Variants in UBAC2 observed in about 807,000 individuals in gnomAD.
UBAC2 encodes the protein ubiquitin-associated domain-containing protein 2.
Under a neutral mutation model 44.0 loss-of-function variants are expected in UBAC2, and 26 were observed. That is an observed-to-expected ratio of 0.59 (90% CI 0.43 to 0.82). UBAC2 has a LOEUF of 0.82. UBAC2 is among the 40% of genes least tolerant of loss of function. The pLI, the probability that UBAC2 is intolerant of heterozygous loss-of-function variation, is 0.00. For synonymous variants in UBAC2, 155 were observed against 154.3 expected (o/e 1.00, Z -0.04); for missense variants, 329 against 419.4 (o/e 0.78, Z 1.88).
In UBAC2 at chr13:99,385,211, G is replaced by A. The variant is rs201028910; in HGVS notation, c.928-17G>A. 1,361 of 1,605,968 alleles carry A rather than the reference G, an allele frequency of 8.5e-4. No individual in the cohort carries two copies. Among genetic ancestry groups the A allele is most frequent in the Non-Finnish European group, 9.9e-4 (1,163 of 1,172,596 alleles). On this transcript the variant is annotated splice_polypyrimidine_tract_variant and intron_variant, in intron 8 of 8. Transcript: ENST00000403766. The stretch of plus-strand genomic sequence containing the variant: ...AATGTCAGCGCCCTCAGGTTTCTGC[G>A]TTTTCTCTGCCTGCAGGTCGCCCGG...
chr13:99,253,110 C>T (rs1474546958), intron 4 of UBAC2, among the ~76,000 whole-genome samples: 24 of 149,920 alleles, frequency 1.6e-4, no homozygotes, highest in Non-Finnish European at 3.0e-4. Flanking sequence ...GATATAATAT[C>T]TATAAAGGTA....
chr13:99,232,095 T>C (rs1594024869), intron 1 of UBAC2, among the ~76,000 whole-genome samples: 1 of 152,296 alleles, frequency 6.6e-6, no homozygotes. Flanking sequence ...GTTACTTGTT[T>C]TTTAAAAAAG....
chr13:99,324,764 G>C (rs2044615039), intron 6 of UBAC2, among the ~76,000 whole-genome samples: 1 of 152,158 alleles, frequency 6.6e-6, no homozygotes, highest in Non-Finnish European at 1.5e-5. Context: ...TGGCCCTGTG[G>C]ATTCTAATGG....
intron 4 of UBAC2, among the ~76,000 whole-genome samples, chr13:99,296,802 A>T (rs2044181501): frequency 6.6e-6 from 1 of 152,212 alleles, no homozygotes; most frequent in African/African-American, 2.4e-5. Flanking sequence ...AAAATGACAA[A>T]AAAAGAAGAA....
chr13:99,379,984 A>G (rs1593992688), intron 8 of UBAC2, among the ~76,000 whole-genome samples: 1 of 152,202 alleles, frequency 6.6e-6, no homozygotes, highest in Non-Finnish European at 1.5e-5. Flanking sequence ...GAACCTGCCC[A>G]CTGGCATGTG....
At chr13:99,209,391 C>G in intron 1 of UBAC2, among the ~76,000 whole-genome samples, 1 of 152,216 alleles carries the variant, frequency 6.6e-6, no homozygotes. Context: ...TTGGAAAGTT[C>G]TGCATTCTGC....
intron 8 of UBAC2, 28 bp downstream of exon 8, chr13:99,367,934 A>T (rs1264229778): frequency 6.3e-7 from 1 of 1,599,446 alleles, no homozygotes; most frequent in Admixed American, 1.8e-5. Flanking sequence ...CCTGGTACTC[A>T]TTCTAAATCC....
chr13:99,377,988 C>T (rs754269449), intron 8 of UBAC2, among the ~76,000 whole-genome samples: 2 of 152,220 alleles, frequency 1.3e-5, no homozygotes, highest in Admixed American at 6.5e-5. Flanking sequence ...TTTTATTTCA[C>T]GGAAGCATGA....
intron 7 of UBAC2, among the ~76,000 whole-genome samples, chr13:99,343,770 A>C (rs1188391085): frequency 6.6e-6 from 1 of 152,192 alleles, no homozygotes. Context: ...AGTTTTCTTC[A>C]CATAAGTATG....
chr13:99,216,040 C>T (rs993144103), intron 1 of UBAC2, among the ~76,000 whole-genome samples: 1 of 151,516 alleles, frequency 6.6e-6, no homozygotes, highest in East Asian at 1.9e-4. Flanking sequence ...CGGTTTTTGC[C>T]ATTAAAGGTA....
At chr13:99,294,813 G>C (rs543250577) in intron 4 of UBAC2, 2 of 323,960 alleles carry the variant, frequency 6.2e-6, no homozygotes, top group Non-Finnish European at 1.1e-5. Context: ...TATTAAGAGC[G>C]CCTCCTTTTG....
rs73570149 is a variant in UBAC2, at chr13:99,367,152, C to T, written c.808-635C>T. Among the ~76,000 whole-genome samples the T allele has an allele frequency of 9.8e-3, 1,497 of 152,230 alleles. 28 individuals are homozygous for T. The highest frequency in any genetic ancestry group is 0.035 in the African/African-American group (1,445 of 41,534). ...GGCATTGCTGTCAGTCTTCAGGATC[C>T]GTGGAGCCACCCTCAGAAAGATGGT... On this transcript the variant is annotated intron_variant, in intron 7 of 8. Transcript: ENST00000403766.
intron 4 of UBAC2, among the ~76,000 whole-genome samples, chr13:99,247,252 TCGCCCAGG>T (rs2043396876): frequency 6.6e-6 from 1 of 151,680 alleles, no homozygotes; most frequent in Non-Finnish European, 1.5e-5. Context: ...TCTCGCTCTG[TCGCCCAGG>T]CTGGAGTGCA....
At chr13:99,288,879 G>A (rs2044054081) in intron 4 of UBAC2, among the ~76,000 whole-genome samples, 1 of 152,046 alleles carries the variant, frequency 6.6e-6, no homozygotes. Flanking sequence ...TGTATTTTTT[G>A]GAGCACTGTC....
intron 4 of UBAC2, among the ~76,000 whole-genome samples, chr13:99,262,862 T>C (rs1398465450): frequency 1.3e-5 from 2 of 152,068 alleles, no homozygotes; most frequent in Admixed American, 6.6e-5. Context: ...AAAGTAAACA[T>C]GTATCTATAA....
chr13:99,334,934 A>T (rs1194463495), intron 6 of UBAC2, among the ~76,000 whole-genome samples: 1 of 152,216 alleles, frequency 6.6e-6, no homozygotes, highest in Non-Finnish European at 1.5e-5. Context: ...AAGGATGAAG[A>T]TATATTATGG....
intron 4 of UBAC2, among the ~76,000 whole-genome samples, chr13:99,251,000 C>T (rs771520550): frequency 6.6e-6 from 1 of 152,092 alleles, no homozygotes; most frequent in Non-Finnish European, 1.5e-5. Context: ...CAGCCTGCCT[C>T]GGCCTCCCAA....
intron 4 of UBAC2, among the ~76,000 whole-genome samples, chr13:99,274,491 G>T (rs1403040324): frequency 6.6e-6 from 1 of 151,160 alleles, no homozygotes; most frequent in South Asian, 2.1e-4. Context: ...GGACTGGCTA[G>T]TTTTTTTTAT....
At chr13:99,328,145 T>C (rs2044665854) in intron 6 of UBAC2, among the ~76,000 whole-genome samples, 1 of 152,232 alleles carries the variant, frequency 6.6e-6, no homozygotes, top group Admixed American at 6.5e-5. Flanking sequence ...ACATGAAAAT[T>C]TCACCAATTT....
Sources: allele counts gnomAD v4.1 joint callset (sites outside exome capture counted in the v4.1 genomes callset), GRCh38; gene constraint gnomAD v4.1.1; transcripts MANE v1.5; gene names NCBI Gene and HGNC (gene_info 2026-07-23, HGNC 2026-07-21).